CCSER2: variants seen among roughly 807,000 people sequenced by gnomAD.
CCSER2 encodes serine-rich coiled-coil domain-containing protein 2.
A neutral mutation model predicts 92.3 loss-of-function variants in CCSER2; 46 were observed. That is an observed-to-expected ratio of 0.50 (90% confidence interval 0.39 to 0.64). The LOEUF is 0.64. Among genes scored for constraint, CCSER2 ranks in the 30% least tolerant of loss-of-function variants. The pLI, the probability that CCSER2 is intolerant of heterozygous loss-of-function variation, is 0.00. For synonymous variants in CCSER2, 433 were observed against 431.4 expected, an observed-to-expected ratio of 1.00 and a Z score of -0.04; for missense variants, 1,244 against 1,238.9, an observed-to-expected ratio of 1.00 and a Z score of -0.06.
At chr10:84,339,625 G>A (rs145452521) in intron 1 of CCSER2, among the ~76,000 whole-genome samples, 5,786 of 151,890 alleles carry the variant, frequency 0.038, 140 homozygotes, top group Admixed American at 0.067. Context: ...ACAGGCATGC[G>A]CCACCACGCC....
chr10:84,462,061 TC>T (rs1382475308), intron 6 of CCSER2, among the ~76,000 whole-genome samples: 10 of 152,200 alleles, frequency 6.6e-5, no homozygotes, highest in Admixed American at 5.9e-4. Flanking sequence ...GTATACATCT[TC>T]CAGAGGCTAG....
At chr10:84,444,256 G>A (rs1844771091) in intron 6 of CCSER2, among the ~76,000 whole-genome samples, 1 of 152,130 alleles carries the variant, frequency 6.6e-6, no homozygotes, top group African/African-American at 2.4e-5. Flanking sequence ...TGTTCTGTTG[G>A]TAGTAGTAAG....
chr10:84,455,868 C>T (rs1248538464), intron 6 of CCSER2: 2 of 726,032 alleles, frequency 2.8e-6, no homozygotes, highest in Admixed American at 1.8e-5. Context: ...GGAGCAACCA[C>T]AGCATCTGGC....
chr10:84,455,988 T>C, intron 6 of CCSER2: 1 of 581,462 alleles, frequency 1.7e-6, no homozygotes. Flanking sequence ...ACGTACTCCT[T>C]TCCTAGTAGC....
intron 5 of CCSER2, among the ~76,000 whole-genome samples, chr10:84,436,765 A>C (rs181434054): frequency 6.6e-6 from 1 of 152,312 alleles, no homozygotes; most frequent in East Asian, 1.9e-4. Context: ...AATTTCTAAA[A>C]ATCTTTTTCT....
intron 1 of CCSER2, among the ~76,000 whole-genome samples, chr10:84,368,648 A>AT (rs201107124): frequency 7.9e-5 from 12 of 152,056 alleles, no homozygotes; most frequent in Admixed American, 5.9e-4. Context: ...AAAACCATGT[A>AT]TTTTTTTAAA....
At chr10:84,342,764 GTATC>G (rs1225805517) in intron 1 of CCSER2, among the ~76,000 whole-genome samples, 1 of 152,050 alleles carries the variant, frequency 6.6e-6, no homozygotes, top group African/African-American at 2.4e-5. Context: ...CACAGAAACT[GTATC>G]TATCTGTTGA....
chr10:84,501,834 A>AATATATATATATAT (rs1554868293), intron 9 of CCSER2, among the ~76,000 whole-genome samples: 11 of 40,132 alleles, frequency 2.7e-4, no homozygotes, highest in Non-Finnish European at 8.2e-4. Context: ...AAAAAAAAAA[A>AATATATATATATAT]ATATATATAT....
At chr10:84,339,836 C>A (rs1564577709) in intron 1 of CCSER2, among the ~76,000 whole-genome samples, 1 of 147,640 alleles carries the variant, frequency 6.8e-6, no homozygotes, top group African/African-American at 2.5e-5. Context: ...ATCACTTTAT[C>A]TTTTTTATTT....
chr10:84,515,859 C>G lies in CCSER2; in HGVS notation c.*1592C>G, dbSNP rs1474263946. ...AGAAGGTAGGTGTGGAACCTCCATG[C>G]TACCATGTGCACAAACCTAATTATG... On this transcript the variant is annotated 3_prime_UTR_variant, in exon 10 of 10. Coordinates refer to ENST00000372088, the MANE Select transcript of CCSER2 (RefSeq NM_001284240.2). 5 of 152,160 alleles carry G rather than the reference C, an allele frequency of 3.3e-5. No individual in the cohort carries two copies. Among genetic ancestry groups the G allele is most frequent in the Non-Finnish European group, 5.9e-5 (4 of 68,030 alleles). The allele number at this position is 152,160 out of a possible 1,614,324, so 9.4% of individuals were successfully genotyped here.
At chr10:84,444,115 A>G (rs558399582) in intron 6 of CCSER2, among the ~76,000 whole-genome samples, 111 of 152,192 alleles carry the variant, frequency 7.3e-4, no homozygotes, top group Middle Eastern at 3.4e-3. Flanking sequence ...CATTCTGCAC[A>G]TGTATCCCAG....
chr10:84,391,920 C>T (rs1770230840), intron 3 of CCSER2: 1 of 1,349,302 alleles, frequency 7.4e-7, no homozygotes. Flanking sequence ...AAGATGATCT[C>T]AGAGACACAT....
At chr10:84,376,189 A>C (rs1250088976) in intron 3 of CCSER2, among the ~76,000 whole-genome samples, 1 of 152,162 alleles carries the variant, frequency 6.6e-6, no homozygotes, top group African/African-American at 2.4e-5. Context: ...TCATAACACC[A>C]GTCTAGAATC....
intron 1 of CCSER2, among the ~76,000 whole-genome samples, chr10:84,368,817 T>A (rs1447303787): frequency 2.0e-5 from 3 of 152,110 alleles, no homozygotes; most frequent in Non-Finnish European, 2.9e-5. Flanking sequence ...GTGTAGTTTT[T>A]AAAAAATCTC....
chr10:84,479,302 G>C (rs909070558), intron 9 of CCSER2, among the ~76,000 whole-genome samples: 4 of 152,206 alleles, frequency 2.6e-5, no homozygotes, highest in Non-Finnish European at 5.9e-5. Flanking sequence ...ATTAATAAGT[G>C]GCTGAGCTAG....
intron 4 of CCSER2, among the ~76,000 whole-genome samples, chr10:84,421,740 C>CA (rs1215471333): frequency 2.0e-5 from 3 of 151,856 alleles, no homozygotes; most frequent in Admixed American, 6.6e-5. Flanking sequence ...GACAGGTTAA[C>CA]AAAAAAAGTG....
intron 9 of CCSER2, among the ~76,000 whole-genome samples, chr10:84,512,149 T>G (rs959541180): frequency 3.3e-5 from 5 of 152,250 alleles, no homozygotes; most frequent in Admixed American, 2.0e-4. Flanking sequence ...GCAGCCATTG[T>G]CCAGTGCTGG....
intron 4 of CCSER2, among the ~76,000 whole-genome samples, chr10:84,420,613 TTGA>T (rs1843091792): frequency 1.3e-5 from 2 of 152,046 alleles, no homozygotes; most frequent in African/African-American, 2.4e-5. Context: ...CTTCTGGTTG[TTGA>T]TGATATTATG....
intron 4 of CCSER2, among the ~76,000 whole-genome samples, chr10:84,423,566 G>T (rs1006390076): frequency 5.3e-5 from 8 of 152,128 alleles, no homozygotes; most frequent in African/African-American, 1.9e-4. Flanking sequence ...TTCTTCCTCT[G>T]TGTGGACTAC....
Sources: allele counts gnomAD v4.1 joint callset (sites outside exome capture counted in the v4.1 genomes callset), GRCh38; gene constraint gnomAD v4.1.1; transcripts MANE v1.5; gene names NCBI Gene and HGNC (gene_info 2026-07-23, HGNC 2026-07-21).